The following DNAH3 variants were observed in gnomAD, a reference collection of about 807,000 sequenced individuals.
DNAH3 encodes the protein dynein axonemal heavy chain 3, also known as axonemal beta dynein heavy chain 3.
A neutral mutation model predicts 432.5 loss-of-function variants in DNAH3; 332 were observed. The observed-to-expected ratio is 0.77, with a 90% CI of 0.70 to 0.84. The LOEUF (loss-of-function observed/expected upper bound fraction) is 0.84, where lower values mean the gene tolerates loss of function less well. Among genes scored for constraint, DNAH3 ranks in the 40% least tolerant of loss-of-function variants. The pLI, the probability that DNAH3 is intolerant of heterozygous loss-of-function variation, is 0.00. For missense variants in DNAH3, 4,861 were observed against 5,114.0 expected, an observed-to-expected ratio of 0.95 and a Z score of 1.51; for synonymous variants, 1,956 against 1,900.2, an observed-to-expected ratio of 1.03 and a Z score of -0.76.
chr16:21,037,633 A>G (rs2089236072), intron 34 of DNAH3, 128 bp downstream of exon 34: 6 of 700,414 alleles, frequency 8.6e-6, no homozygotes, highest in Non-Finnish European at 1.5e-5. Flanking sequence ...CAGGGAGGGT[A>G]TCAGGTGGCA....
At chr16:20,949,305 C>T (rs1364435984) in intron 56 of DNAH3, among the ~76,000 whole-genome samples, 3 of 144,490 alleles carry the variant, frequency 2.1e-5, no homozygotes, top group Non-Finnish European at 3.0e-5. Context: ...CCAGCCTGGG[C>T]AACAAGAGCG....
exon 47 of DNAH3, chr16:20,987,323 G>A: frequency 6.2e-7 from 1 of 1,614,170 alleles, no homozygotes; most frequent in Non-Finnish European, 8.5e-7. Context: ...TGGTCTGCTT[G>A]AAGCAATTGG....
chr16:20,965,486 T>A, intron 52 of DNAH3, 61 bp from the exon 53 acceptor site: 3 of 1,371,656 alleles, frequency 2.2e-6, no homozygotes, highest in Non-Finnish European at 2.0e-6. Flanking sequence ...CTTAAAATTC[T>A]GCAGTGGTTA....
rs1215659216 is a variant in DNAH3, at chr16:21,111,953, CAT to C, written c.1920+38_1920+39del. ...ACTGCTCATTGGATTGTCTGCAGCACATGTCACCAAGGTATAAAATCTCAAGT... is the reference window on the plus strand; with the variant it reads ...ACTGCTCATTGGATTGTCTGCAGCACGTCACCAAGGTATAAAATCTCAAGT... On this transcript the variant is annotated intron_variant, in intron 13 of 61. Transcript: ENST00000261383. 6 of 1,568,622 alleles carry C rather than the reference CAT, an allele frequency of 3.8e-6. No homozygotes were observed. In the South Asian group the frequency reaches 5.6e-5, roughly 15 times the overall value.
At chr16:20,999,009 C>T (rs2086893614) in intron 43 of DNAH3, among the ~76,000 whole-genome samples, 1 of 152,142 alleles carries the variant, frequency 6.6e-6, no homozygotes, top group African/African-American at 2.4e-5. Context: ...GTAATCCCAA[C>T]ACTTTGGGAG....
At chr16:20,985,179 G>C in exon 48 of DNAH3, 1 of 1,614,154 alleles carries the variant, frequency 6.2e-7, no homozygotes, top group Non-Finnish European at 8.5e-7. Context: ...CAGCCTTCTC[G>C]TCAGCAGGGA....
chr16:20,957,808 C>CAAAAAAAAAAAAAAAAAA (rs762197650), intron 54 of DNAH3, among the ~76,000 whole-genome samples: 3 of 53,286 alleles, frequency 5.6e-5, no homozygotes, highest in African/African-American at 1.3e-4. Context: ...ACTCCATCTC[C>CAAAAAAAAAAAAAAAAAA]AAAAAAAAAA....
chr16:20,952,575 C>T, intron 55 of DNAH3, 26 bp from the exon 56 acceptor site: 1 of 1,428,100 alleles, frequency 7.0e-7, no homozygotes, highest in Non-Finnish European at 9.9e-7. Context: ...CAGAGAGAGG[C>T]TTCAGTGCTG....
intron 39 of DNAH3, among the ~76,000 whole-genome samples, chr16:21,023,702 C>T (rs1355833805): frequency 6.6e-6 from 1 of 151,608 alleles, no homozygotes; most frequent in Non-Finnish European, 1.5e-5. Flanking sequence ...TCTCATGGGC[C>T]CTGATAAGGA....
chr16:21,017,823 C>A (rs1338055684), intron 41 of DNAH3, among the ~76,000 whole-genome samples: 1 of 152,032 alleles, frequency 6.6e-6, no homozygotes, highest in African/African-American at 2.4e-5. Flanking sequence ...CTTGCTCATT[C>A]ATTATTTCAT....
intron 54 of DNAH3, among the ~76,000 whole-genome samples, chr16:20,956,068 C>T (rs903919226): frequency 1.3e-5 from 2 of 151,836 alleles, no homozygotes; most frequent in Non-Finnish European, 2.9e-5. Flanking sequence ...GCTGGGACTA[C>T]AGGTGCCCGC....
chr16:21,075,702 C>T (rs1476090474), intron 20 of DNAH3, 141 bp from the exon 21 acceptor site: 6 of 677,608 alleles, frequency 8.9e-6, no homozygotes, highest in East Asian at 2.7e-5. Context: ...TGCTTGAGGT[C>T]GGGAGTTCGA....
Position 20,978,420 on chromosome 16 carries a change from T to C in DNAH3, c.8076+910A>G, listed in dbSNP as rs113049421. Among the ~76,000 whole-genome samples the C allele has an allele frequency of 3.8e-3, 578 of 152,260 alleles. 7 individuals are homozygous for C. Among genetic ancestry groups the C allele is most frequent in the African/African-American group, 0.013 (547 of 41,556 alleles). On this transcript the variant is annotated intron_variant, in intron 50 of 61. Coordinates refer to ENST00000261383, the Ensembl canonical transcript of DNAH3. ...GGCACGCACCTGTAGTACCAGCTAT[T>C]TGGGATGCTGAGACAGGAGGATCAC...
chr16:21,063,835 C>T (rs535324567), intron 24 of DNAH3, among the ~76,000 whole-genome samples: 1 of 152,320 alleles, frequency 6.6e-6, no homozygotes, highest in East Asian at 1.9e-4. Context: ...AGCCACTGCA[C>T]TCAGCCCTTT....
chr16:21,084,093 T>A (rs1406791332), intron 19 of DNAH3, among the ~76,000 whole-genome samples: 1 of 151,988 alleles, frequency 6.6e-6, no homozygotes, highest in African/African-American at 2.4e-5. Flanking sequence ...AAAATTCCAA[T>A]CCCCTTTCCC....
chr16:21,118,021 T>C (rs1257285178), intron 11 of DNAH3, among the ~76,000 whole-genome samples: 1 of 152,144 alleles, frequency 6.6e-6, no homozygotes, highest in Non-Finnish European at 1.5e-5. Flanking sequence ...ACAGTCTCAC[T>C]CTATGGCCCA....
intron 6 of DNAH3, 25 bp downstream of exon 7, chr16:21,136,298 GC>G (rs1464998198): frequency 6.2e-7 from 1 of 1,607,934 alleles, no homozygotes; most frequent in Admixed American, 1.7e-5. Flanking sequence ...AAGCTCCCCA[GC>G]CCCCTTTATG....
chr16:21,081,831 A>AT (rs1475230860), intron 19 of DNAH3, 104 bp from the exon 20 acceptor site: 1 of 838,814 alleles, frequency 1.2e-6, no homozygotes, highest in East Asian at 2.7e-5. Context: ...ACTGCTCAGC[A>AT]TAACAGCCAC....
At chr16:21,057,410 A>T (rs1171394012) in intron 27 of DNAH3, among the ~76,000 whole-genome samples, 2 of 152,166 alleles carry the variant, frequency 1.3e-5, no homozygotes, top group African/African-American at 4.8e-5. Flanking sequence ...CTAAGTACCG[A>T]ATCATTTACT....
Sources: allele counts gnomAD v4.1 joint callset (sites outside exome capture counted in the v4.1 genomes callset), GRCh38; gene constraint gnomAD v4.1.1; transcripts MANE v1.5; gene names NCBI Gene and HGNC (gene_info 2026-07-23, HGNC 2026-07-21).